Variants in TMC5 observed in about 807,000 individuals in gnomAD.
TMC5 encodes the protein transmembrane channel-like protein 5.
Under a neutral mutation model 110.5 loss-of-function variants are expected in TMC5, and 86 were observed. The observed-to-expected ratio is 0.78, with a 90% CI of 0.65 to 0.93. The LOEUF (loss-of-function observed/expected upper bound fraction) is 0.93, where lower values mean the gene tolerates loss of function less well. Among genes scored for constraint, TMC5 ranks in the 40% least tolerant of loss-of-function variants. The probability of loss-of-function intolerance (pLI) is 0.00; values close to 1 mark genes in which losing one functional copy is unlikely to be tolerated. For synonymous variants in TMC5, 455 were observed against 439.5 expected (o/e 1.04, Z -0.44); for missense variants, 1,144 against 1,222.8 (o/e 0.94, Z 0.96).
upstream of TMC5, among the ~76,000 whole-genome samples, chr16:19,417,094 C>CAAAAAAAAA (rs60613963): frequency 5.8e-5 from 4 of 69,150 alleles, no homozygotes; most frequent in African/African-American, 1.4e-4. Context: ...ACTCAGTCTT[C>CAAAAAAAAA]AAAAAAAAAA....
At chr16:19,477,608 C>A in intron 13 of TMC5, 90 bp downstream of exon 13, 1 of 875,770 alleles carries the variant, frequency 1.1e-6, no homozygotes, top group South Asian at 1.6e-5. Flanking sequence ...CATCACACTC[C>A]GTATTTGGTA....
intron 16 of TMC5, 33 bp from the exon 17 acceptor site, chr16:19,487,160 G>C (rs2143732377): frequency 6.2e-7 from 1 of 1,605,312 alleles, no homozygotes; most frequent in East Asian, 2.2e-5. Context: ...TGCTCCGGCT[G>C]CAGATGGGAG....
chr16:19,446,065 G>A (rs1430552819), intron 4 of TMC5, among the ~76,000 whole-genome samples: 1 of 148,298 alleles, frequency 6.7e-6, no homozygotes, highest in Non-Finnish European at 1.5e-5. Context: ...GGGAGTGGAG[G>A]GGAGGGGAGG....
rs869299310 is a variant in TMC5 at position 19,427,072 on chromosome 16, GC to G, written c.-307-3335del. ...AAGCTGGTCACCTGAGGATCCATGT[GC>G]CCCCCTCTCCAGCAGGCTCCCAGGT... On this transcript the variant is annotated intron_variant, in intron 1 of 21. Transcript: ENST00000542583. Among the ~76,000 whole-genome samples, 8 of 107,932 alleles carry G rather than the reference GC, an allele frequency of 7.4e-5. No individual in the cohort carries two copies. In the South Asian group the frequency reaches 3.6e-3, roughly 48 times the overall value. The allele number at this position is 107,932 out of a possible 152,430, so 70.8% of individuals were successfully genotyped here. A position where few individuals can be genotyped will look rare whatever the true frequency, so the allele number is the denominator to read the frequency against.
chr16:19,491,608 A>G (rs1011001672), intron 18 of TMC5, among the ~76,000 whole-genome samples: 2 of 145,186 alleles, frequency 1.4e-5, no homozygotes, highest in South Asian at 2.2e-4. Flanking sequence ...CGATCTCAGC[A>G]CACTGCAAGT....
chr16:19,421,606 G>T lies in TMC5; in HGVS notation c.-308+3514G>T, dbSNP rs115383621. On this transcript the variant is annotated intron_variant, in intron 1 of 21. Transcript: ENST00000542583. Reference sequence around the variant, plus strand: ...AATGGACGATACACTTGATTACTGGGATTTTTGGCCCCCTTTAAATTTGCA... The same window carrying T: ...AATGGACGATACACTTGATTACTGGTATTTTTGGCCCCCTTTAAATTTGCA... 5.9e-3 allele frequency among the ~76,000 whole-genome samples: 901 copies of T among 152,256 alleles called. 12 individuals are homozygous for T. Among genetic ancestry groups the T allele is most frequent in the African/African-American group, 0.021 (865 of 41,540 alleles).
chr16:19,487,458 A>G, intron 17 of TMC5, 132 bp downstream of exon 17: 3 of 1,227,898 alleles, frequency 2.4e-6, no homozygotes, highest in Non-Finnish European at 3.3e-6. Context: ...TCCCGGCACT[A>G]TGGGAGGCCA....
chr16:19,434,245 TCTAAA>T (rs1283795465), intron 2 of TMC5, among the ~76,000 whole-genome samples: 1 of 67,004 alleles, frequency 1.5e-5, no homozygotes, highest in Non-Finnish European at 3.6e-5. Flanking sequence ...TATATATCTA[TCTAAA>T]ATATATATAT....
At chr16:19,457,103 A>G (rs1967897097) in intron 5 of TMC5, 1 of 1,187,280 alleles carries the variant, frequency 8.4e-7, no homozygotes, top group Non-Finnish European at 1.2e-6. Flanking sequence ...TTAGATATCA[A>G]GTGGGGCCAG....
chr16:19,456,713 T>C, intron 5 of TMC5: 1 of 1,607,568 alleles, frequency 6.2e-7, no homozygotes, highest in Non-Finnish European at 8.5e-7. Context: ...GGAGATGCTG[T>C]CCGATGACCA....
chr16:19,416,859 CGAGACAGGTGGATTACCT>C (rs1966879768), upstream of TMC5, among the ~76,000 whole-genome samples: 1 of 152,000 alleles, frequency 6.6e-6, no homozygotes, highest in Admixed American at 6.6e-5. Context: ...TTTGGCAGGC[CGAGACAGGTGGATTACCT>C]GAGGTCAGGA....
In TMC5 at chr16:19,492,214, G is replaced by C. The variant is rs1567328681; in HGVS notation, c.2812G>C (p.Glu938Gln). 1 of 1,613,218 alleles carries C rather than the reference G, an allele frequency of 6.2e-7. No homozygotes were observed. The highest frequency in any genetic ancestry group is 1.7e-5 in the Admixed American group (1 of 60,010). Residue 938 changes from glutamate (E) to glutamine (Q), a missense_variant, in exon 19 of 22, where the codon GAG becomes CAG. Physicochemically the swap from Glu to Gln is conservative, Grantham distance 29. Transcript: ENST00000542583. ...GRKIMIRLLH[E>Q]QIINEGKDKM... ...GAAGATTATGATAAGGCTGCTCCATGAGCAGATCATTAATGTAAGTCCCCT... is the reference window on the plus strand; with the variant it reads ...GAAGATTATGATAAGGCTGCTCCATCAGCAGATCATTAATGTAAGTCCCCT...
intron 12 of TMC5, among the ~76,000 whole-genome samples, chr16:19,475,283 T>G (rs11865534): frequency 0.17 from 25,543 of 151,928 alleles, 3,280 homozygotes; most frequent in East Asian, 0.38. Context: ...TTAGCTGGGC[T>G]TGGTGACGCA....
At chr16:19,414,924 G>T (rs894480826), upstream of TMC5, among the ~76,000 whole-genome samples, 2 of 152,118 alleles carry the variant, frequency 1.3e-5, no homozygotes, top group African/African-American at 4.8e-5. Flanking sequence ...AGTTCCTGTA[G>T]TCCCAGCTGC....
chr16:19,425,641 T>C (rs1967074867), intron 1 of TMC5, among the ~76,000 whole-genome samples: 1 of 152,156 alleles, frequency 6.6e-6, no homozygotes, highest in Non-Finnish European at 1.5e-5. Flanking sequence ...TTTCTCCCTT[T>C]CTCTCAAATA....
rs1258750436 is a variant in TMC5 at position 19,440,308 on chromosome 16, A to G, written c.270A>G (p.Ala90=). Residue 90 remains alanine, a synonymous_variant, in exon 3 of 22, where the codon GCA becomes GCG. Transcript: ENST00000542583. The part of the protein sequence containing the change: ...NPDYSGTRSN[A]YSAASRTSPD... ...ACTATTCTGGCACCAGAAGCAATGCATACTCTGCAGCCTCTAGAACAAGCC... is the reference window on the plus strand; with the variant it reads ...ACTATTCTGGCACCAGAAGCAATGCGTACTCTGCAGCCTCTAGAACAAGCC... 6.2e-7 allele frequency: 1 copy of G among 1,614,144 alleles called. No homozygotes were observed. Among genetic ancestry groups the G allele is most frequent in the Non-Finnish European group, 8.5e-7 (1 of 1,180,020 alleles).
intron 2 of TMC5, among the ~76,000 whole-genome samples, chr16:19,438,679 G>A (rs993291681): frequency 6.6e-6 from 1 of 152,028 alleles, no homozygotes; most frequent in African/African-American, 2.4e-5. Context: ...CCTAGGAGGC[G>A]GAGGTTGCAG....
intron 1 of TMC5, among the ~76,000 whole-genome samples, chr16:19,428,932 TC>T (rs759255194): frequency 1.4e-4 from 22 of 152,268 alleles, no homozygotes; most frequent in Admixed American, 5.9e-4. Context: ...TTCAAGCAAT[TC>T]CTGTGCCTCA....
chr16:19,487,080 G>A (rs903968646), intron 16 of TMC5, 60 bp downstream of exon 16: 20 of 1,609,098 alleles, frequency 1.2e-5, no homozygotes, highest in East Asian at 2.2e-5. Flanking sequence ...ACCTGGTGGC[G>A]CTTAAAGCTG....
Sources: gnomAD v4.1 joint callset for allele counts (sites outside exome capture counted in the v4.1 genomes callset) on GRCh38, gnomAD v4.1.1 for gene constraint, MANE v1.5 for transcripts, NCBI Gene and HGNC (gene_info 2026-07-23, HGNC 2026-07-21) for gene names.